USP37: variants seen among roughly 807,000 people sequenced by gnomAD.
The protein encoded by USP37 is ubiquitin specific peptidase 37.
In USP37, 27 loss-of-function variants were observed where a neutral mutation model predicts 124.0. That is an observed-to-expected ratio of 0.22 (90% CI 0.16 to 0.30). USP37 has a LOEUF of 0.30. Among genes scored for constraint, USP37 ranks in the 10% least tolerant of loss-of-function variants. The pLI is 1.00. For synonymous variants in USP37, 365 were observed against 388.0 expected (o/e 0.94, Z 0.70); for missense variants, 889 against 1,140.4 (o/e 0.78, Z 3.17).
At position 218,454,352 on chromosome 2, in the gene USP37, G is replaced by C. The variant is rs1475663677; in HGVS notation, c.*578C>G. 1 of 152,566 alleles carries C rather than the reference G, an allele frequency of 6.6e-6. No homozygotes were observed. Among genetic ancestry groups the C allele is most frequent in the Non-Finnish European group, 1.5e-5 (1 of 68,050 alleles). 9.5% of individuals were successfully genotyped at this position (152,566 alleles called of 1,614,324 possible). ...CAGTAATGCCCCTCTCTTGCAAAGA[G>C]AACAAACTGTCATTAGTGTAACATG... On this transcript the variant is annotated 3_prime_UTR_variant, in exon 26 of 26. Transcript: ENST00000258399.
chr2:218,511,760 T>TA (rs1190702171), intron 10 of USP37, among the ~76,000 whole-genome samples: 1 of 151,364 alleles, frequency 6.6e-6, no homozygotes, highest in African/African-American at 2.4e-5. Flanking sequence ...ATTCTAATTT[T>TA]AAAATTTTTA....
At chr2:218,462,731 T>C (rs76452591) in intron 22 of USP37, among the ~76,000 whole-genome samples, 1 of 152,006 alleles carries the variant, frequency 6.6e-6, no homozygotes, top group Non-Finnish European at 1.5e-5. Flanking sequence ...GTTAGAGATA[T>C]GGGTATAGAT....
intron 8 of USP37, among the ~76,000 whole-genome samples, chr2:218,541,606 T>C (rs1691977461): frequency 3.3e-5 from 5 of 152,122 alleles, no homozygotes; most frequent in Admixed American, 2.6e-4. Context: ...ATGCATGGAA[T>C]TGATGGTAGG....
intron 8 of USP37, among the ~76,000 whole-genome samples, chr2:218,544,408 T>TAC (rs1692190037): frequency 2.6e-5 from 2 of 76,978 alleles, no homozygotes; most frequent in African/African-American, 1.7e-4. Flanking sequence ...AAAAAAAAAA[T>TAC]ATATATATAT....
rs931187567 is a variant in USP37 at position 218,545,774 on chromosome 2, A to G, written c.680+447T>C. Among the ~76,000 whole-genome samples, 10 of 152,262 alleles carry G rather than the reference A, an allele frequency of 6.6e-5. No homozygotes were observed. The East Asian group carries it at 1.5e-3, about 24-fold the overall frequency. On this transcript the variant is annotated intron_variant, in intron 8 of 25. Coordinates refer to ENST00000258399, the MANE Select transcript of USP37 (RefSeq NM_020935.3). ...TTCCCTTTTGTTCAACCCAGAAAAC[A>G]TCTCTGAAAGATTAATGCTACTTGC...
Position 218,553,595 on chromosome 2 carries a change from T to G in USP37, c.286A>C (p.Arg96=). ...TGATGGACTGCATCTAGAAACAACCTCATTTCCTCTGCATCCTTACTTGGT... is the reference window on the plus strand; with the variant it reads ...TGATGGACTGCATCTAGAAACAACCGCATTTCCTCTGCATCCTTACTTGGT... ...KVPSKDAEEM[R]LFLDAVHQNR... is the part of the protein sequence containing the mutation. Residue 96 remains arginine, a synonymous_variant, in exon 5 of 26, where the codon AGG becomes CGG. Coordinates refer to ENST00000258399, the MANE Select transcript of USP37 (RefSeq NM_020935.3). The G allele has an allele frequency of 6.2e-7, 1 of 1,613,856 alleles. No individual in the cohort carries two copies. Among genetic ancestry groups the G allele is most frequent in the East Asian group, 2.2e-5 (1 of 44,864 alleles).
intron 11 of USP37, among the ~76,000 whole-genome samples, chr2:218,509,729 G>A (rs949866246): frequency 3.3e-5 from 5 of 152,110 alleles, no homozygotes; most frequent in Admixed American, 2.0e-4. Flanking sequence ...AGAATGAAGT[G>A]TACTGGGTTG....
intron 8 of USP37, among the ~76,000 whole-genome samples, chr2:218,538,680 T>G (rs1252937857): frequency 6.6e-6 from 1 of 152,194 alleles, no homozygotes; most frequent in Admixed American, 6.5e-5. Flanking sequence ...CAGCAAAGAC[T>G]GAGACCCTGA....
chr2:218,500,086 C>A (rs1689292207), intron 11 of USP37, among the ~76,000 whole-genome samples: 2 of 150,882 alleles, frequency 1.3e-5, no homozygotes, highest in Non-Finnish European at 1.5e-5. Flanking sequence ...TTCGTTTTTT[C>A]TTTTTTTAGA....
chr2:218,509,224 G>A (rs1161954893), intron 11 of USP37, among the ~76,000 whole-genome samples: 6 of 152,158 alleles, frequency 3.9e-5, no homozygotes, highest in South Asian at 4.1e-4. Flanking sequence ...AAGCAATATA[G>A]CATAGTGATT....
chr2:218,509,914 C>T lies in USP37; in HGVS notation c.1025+65G>A, dbSNP rs970799815. On this transcript the variant is annotated intron_variant, in intron 11 of 25. Coordinates refer to ENST00000258399, the MANE Select transcript of USP37 (RefSeq NM_020935.3). The stretch of plus-strand genomic sequence containing the variant: ...ATGTGACTCCTTTAATTACATTTTA[C>T]ACCAAAGCACACTTCTATTGAATCA... 10 of 1,389,710 alleles carry T rather than the reference C, an allele frequency of 7.2e-6. No homozygotes were observed. In the African/African-American group the frequency reaches 8.7e-5, roughly 12 times the overall value. The allele number at this position is 1,389,710 out of a possible 1,614,324, so 86.1% of individuals were successfully genotyped here. A position where few individuals can be genotyped will look rare whatever the true frequency, so the allele number is the denominator to read the frequency against.
chr2:218,485,792 T>C (rs753374382), intron 15 of USP37, 49 bp from the exon 16 acceptor site: 5 of 1,557,614 alleles, frequency 3.2e-6, no homozygotes. Flanking sequence ...AGCATTAGTA[T>C]CTTAAATGCA....
At chr2:218,480,231 T>C (rs918453671) in intron 17 of USP37, among the ~76,000 whole-genome samples, 3 of 149,722 alleles carry the variant, frequency 2.0e-5, no homozygotes, top group East Asian at 2.0e-4. Context: ...AACCCGTTTC[T>C]ACTAAAAAAA....
At chr2:218,515,441 T>C (rs966678624) in intron 10 of USP37, among the ~76,000 whole-genome samples, 4 of 152,098 alleles carry the variant, frequency 2.6e-5, no homozygotes, top group Admixed American at 6.6e-5. Context: ...AAATAAGCAA[T>C]GGGGAAAGGA....
At chr2:218,472,642 T>C (rs1690757637) in intron 20 of USP37, among the ~76,000 whole-genome samples, 2 of 151,952 alleles carry the variant, frequency 1.3e-5, no homozygotes, top group African/African-American at 4.8e-5. Context: ...AATTTTGTAT[T>C]TTTGGTAGAG....
At position 218,482,054 on chromosome 2, in the gene USP37, T is replaced by G; in HGVS notation, c.1835+16A>C. ...TTCAAAAGGGAATATAAAGACATAG[T>G]CTCTCAAGGACTTACATTGCCATAT... On this transcript the variant is annotated intron_variant, in intron 17 of 25. Coordinates refer to ENST00000258399, the MANE Select transcript of USP37 (RefSeq NM_020935.3). 1 of 1,581,944 alleles carries G rather than the reference T, an allele frequency of 6.3e-7. No homozygotes were observed. Among genetic ancestry groups the G allele is most frequent in the Non-Finnish European group, 8.6e-7 (1 of 1,162,372 alleles).
chr2:218,518,376 A>G (rs1291279290), intron 10 of USP37, among the ~76,000 whole-genome samples: 1 of 152,152 alleles, frequency 6.6e-6, no homozygotes, highest in Non-Finnish European at 1.5e-5. Flanking sequence ...GAATATGTGG[A>G]GCCCTGTGGT....
chr2:218,471,988 C>T (rs867976084), intron 20 of USP37, among the ~76,000 whole-genome samples: 2 of 151,348 alleles, frequency 1.3e-5, no homozygotes, highest in East Asian at 3.9e-4. Context: ...TGAGATCATG[C>T]CACTGCACTC....
chr2:218,543,835 A>C (rs646295), intron 8 of USP37, among the ~76,000 whole-genome samples: 90,496 of 149,208 alleles, frequency 0.61, 27,111 homozygotes, highest in East Asian at 0.78. Context: ...AACAAACAAA[A>C]AAAAAAACAT....
Sources: gnomAD v4.1 joint callset for allele counts (sites outside exome capture counted in the v4.1 genomes callset) on GRCh38, gnomAD v4.1.1 for gene constraint, MANE v1.5 for transcripts, NCBI Gene and HGNC (gene_info 2026-07-23, HGNC 2026-07-21) for gene names.